Variants in MGMT observed in about 807,000 individuals in gnomAD.
MGMT encodes methylated-DNA--protein-cysteine methyltransferase.
Under a neutral mutation model 15.9 loss-of-function variants are expected in MGMT, and 14 were observed. The observed-to-expected ratio is 0.88, with a 90% CI of 0.58 to 1.37. The LOEUF is 1.37. MGMT is among the 40% of genes most tolerant of loss of function. MGMT has a pLI of 0.00. For synonymous variants in MGMT, 130 were observed against 118.2 expected (o/e 1.10, Z -0.65); for missense variants, 282 against 268.1 (o/e 1.05, Z -0.36).
intron 2 of MGMT, among the ~76,000 whole-genome samples, chr10:129,588,825 T>G (rs942478571): frequency 2.0e-5 from 3 of 152,268 alleles, no homozygotes; most frequent in African/African-American, 7.2e-5. Flanking sequence ...AGCTGGTATC[T>G]TTACACTTAC....
At chr10:129,558,847 T>G (rs988422102) in intron 2 of MGMT, among the ~76,000 whole-genome samples, 1 of 152,214 alleles carries the variant, frequency 6.6e-6, no homozygotes, top group Non-Finnish European at 1.5e-5. Context: ...TTTTTCCTTT[T>G]ACTTTCTGTT....
At chr10:129,611,488 C>G (rs750422479) in intron 2 of MGMT, among the ~76,000 whole-genome samples, 1 of 152,208 alleles carries the variant, frequency 6.6e-6, no homozygotes, top group Non-Finnish European at 1.5e-5. Flanking sequence ...TTCTCCAAGA[C>G]TGAAGATCAC....
chr10:129,692,181 C>T (rs35617552), intron 2 of MGMT, among the ~76,000 whole-genome samples: 18,271 of 152,162 alleles, frequency 0.12, 1,295 homozygotes, highest in East Asian at 0.23. Context: ...ATGATACAGA[C>T]TCAGAGTTGA....
At chr10:129,636,687 C>T (rs1402018662) in intron 2 of MGMT, among the ~76,000 whole-genome samples, 5 of 152,056 alleles carry the variant, frequency 3.3e-5, no homozygotes, top group Non-Finnish European at 1.5e-5. Context: ...ACCCATTTTC[C>T]CCCAGAATGA....
At chr10:129,749,407 C>T (rs1318032468) in intron 3 of MGMT, among the ~76,000 whole-genome samples, 3 of 152,172 alleles carry the variant, frequency 2.0e-5, no homozygotes, top group Non-Finnish European at 4.4e-5. Context: ...TTTCGGCTGG[C>T]TTCCTTTGCT....
intron 1 of MGMT, among the ~76,000 whole-genome samples, chr10:129,472,451 G>C (rs139697783): frequency 6.6e-6 from 1 of 152,030 alleles, no homozygotes. Context: ...AGAAGACGGC[G>C]AAGAACCATT....
chr10:129,502,858 G>A (rs1329278445), intron 1 of MGMT, among the ~76,000 whole-genome samples: 1 of 152,134 alleles, frequency 6.6e-6, no homozygotes, highest in Non-Finnish European at 1.5e-5. Context: ...ACAAGCCTTA[G>A]CGAGGCAGCT....
At chr10:129,569,272 G>A (rs1335457411) in intron 2 of MGMT, among the ~76,000 whole-genome samples, 1 of 152,160 alleles carries the variant, frequency 6.6e-6, no homozygotes, top group Non-Finnish European at 1.5e-5. Flanking sequence ...TCAGTTTTCT[G>A]AGGTCGTGGT....
chr10:129,483,240 G>A (rs954929502), intron 1 of MGMT, among the ~76,000 whole-genome samples: 1 of 152,120 alleles, frequency 6.6e-6, no homozygotes, highest in Non-Finnish European at 1.5e-5. Flanking sequence ...TGCTACATAT[G>A]TAATATTCTC....
intron 3 of MGMT, among the ~76,000 whole-genome samples, chr10:129,736,568 G>C (rs895088787): frequency 6.6e-6 from 1 of 150,778 alleles, no homozygotes; most frequent in African/African-American, 2.4e-5. Context: ...TACATTTAAA[G>C]TTAATATTGT....
chr10:129,534,869 G>A (rs917974359), intron 1 of MGMT, among the ~76,000 whole-genome samples: 3 of 152,010 alleles, frequency 2.0e-5, no homozygotes, highest in Non-Finnish European at 2.9e-5. Flanking sequence ...CCAGGGGTCC[G>A]CAGGCCTTTT....
intron 2 of MGMT, among the ~76,000 whole-genome samples, chr10:129,633,011 G>GA (rs1348488217): frequency 6.6e-6 from 1 of 151,990 alleles, no homozygotes; most frequent in African/African-American, 2.4e-5. Context: ...ATTGTATTAG[G>GA]AAAAAATGTA....
At chr10:129,639,947 C>CAAAAA (rs35965727) in intron 2 of MGMT, among the ~76,000 whole-genome samples, 1 of 116,276 alleles carries the variant, frequency 8.6e-6, no homozygotes, top group African/African-American at 3.2e-5. Flanking sequence ...CTAGACTGAC[C>CAAAAA]AAAAAAAAAA....
chr10:129,733,304 G>A (rs1474414552), intron 3 of MGMT, among the ~76,000 whole-genome samples: 1 of 151,704 alleles, frequency 6.6e-6, no homozygotes, highest in Non-Finnish European at 1.5e-5. Flanking sequence ...TTCTCTGATG[G>A]CCAGTGATGG....
At chr10:129,467,476 C>T (rs1421869675) in intron 1 of MGMT, 180 bp downstream of exon 1, 33 of 964,096 alleles carry the variant, frequency 3.4e-5, no homozygotes, top group Non-Finnish European at 3.8e-5. Context: ...GTTGCCCAGC[C>T]TTTCCCCGGG....
chr10:129,546,176 A>T (rs930743500), intron 2 of MGMT, among the ~76,000 whole-genome samples: 4 of 152,212 alleles, frequency 2.6e-5, no homozygotes, highest in Admixed American at 2.0e-4. Context: ...CAGGCCCTGC[A>T]TGGGGTGGGG....
intron 1 of MGMT, among the ~76,000 whole-genome samples, chr10:129,495,750 T>G (rs1006304603): frequency 1.3e-5 from 2 of 152,220 alleles, no homozygotes; most frequent in African/African-American, 4.8e-5. Context: ...CCACCAGGAT[T>G]CTTCTTCCCA....
chr10:129,657,598 A>G (rs1847539059), intron 2 of MGMT, among the ~76,000 whole-genome samples: 1 of 150,220 alleles, frequency 6.7e-6, no homozygotes, highest in Non-Finnish European at 1.5e-5. Context: ...AAATGTGGTG[A>G]CTGCTGAAGA....
At chr10:129,681,145 C>T (rs1031954764) in intron 2 of MGMT, among the ~76,000 whole-genome samples, 3 of 152,158 alleles carry the variant, frequency 2.0e-5, no homozygotes, top group African/African-American at 7.2e-5. Flanking sequence ...CGTTGTCGTC[C>T]GATGGTCTCC....
Sources: gnomAD v4.1 joint callset for allele counts (sites outside exome capture counted in the v4.1 genomes callset) on GRCh38, gnomAD v4.1.1 for gene constraint, MANE v1.5 for transcripts, NCBI Gene and HGNC (gene_info 2026-07-23, HGNC 2026-07-21) for gene names.